The following MRTFA variants were observed in gnomAD, a reference collection of about 807,000 sequenced individuals.
MRTFA encodes myocardin related transcription factor A.
A neutral mutation model predicts 83.5 loss-of-function variants in MRTFA; 20 were observed. The observed-to-expected ratio is 0.24, with a 90% CI of 0.17 to 0.35. The LOEUF is 0.35. Ranked by LOEUF, MRTFA falls within the 10% of genes least tolerant of loss-of-function variation. The pLI is 1.00. For missense variants in MRTFA, 1,200 were observed against 1,224.7 expected (o/e 0.98, Z 0.30); for synonymous variants, 659 against 541.2 (o/e 1.22, Z -3.02).
intron 1 of MRTFA, among the ~76,000 whole-genome samples, chr22:40,605,797 T>C (rs930006511): frequency 1.3e-5 from 2 of 152,216 alleles, no homozygotes; most frequent in African/African-American, 4.8e-5. Flanking sequence ...TTGGGATTGT[T>C]TGTTTTAATG....
intron 4 of MRTFA, among the ~76,000 whole-genome samples, chr22:40,438,589 C>T (rs1420221127): frequency 6.6e-6 from 1 of 152,190 alleles, no homozygotes; most frequent in Non-Finnish European, 1.5e-5. Context: ...CATAGTCCCC[C>T]TCATCTGCAG....
intron 1 of MRTFA, among the ~76,000 whole-genome samples, chr22:40,598,994 A>G (rs141597790): frequency 0.1 from 13,859 of 135,762 alleles, 826 homozygotes; most frequent in East Asian, 0.24. Flanking sequence ...GGGAAACTCC[A>G]TCTAAAAAAA....
intron 3 of MRTFA, among the ~76,000 whole-genome samples, chr22:40,484,886 C>T (rs1014107382): frequency 6.6e-6 from 1 of 151,870 alleles, no homozygotes; most frequent in Non-Finnish European, 1.5e-5. Flanking sequence ...TCCTGGCCAA[C>T]ATGGTGAAAC....
At chr22:40,573,618 G>A (rs566096809) in intron 2 of MRTFA, among the ~76,000 whole-genome samples, 5 of 151,970 alleles carry the variant, frequency 3.3e-5, no homozygotes, top group African/African-American at 7.3e-5. Context: ...TTTTAAGAAC[G>A]AGAGCCAGGC....
At chr22:40,491,710 C>T (rs1159737665) in intron 3 of MRTFA, among the ~76,000 whole-genome samples, 1 of 152,104 alleles carries the variant, frequency 6.6e-6, no homozygotes, top group Non-Finnish European at 1.5e-5. Flanking sequence ...ACAATCTAGG[C>T]TTGGCTATAT....
At chr22:40,619,618 G>A (rs371410132) in intron 1 of MRTFA, among the ~76,000 whole-genome samples, 89 of 152,096 alleles carry the variant, frequency 5.9e-4, no homozygotes, top group African/African-American at 2.0e-3. Flanking sequence ...GGCCGGGTGC[G>A]GTGGCTCACA....
intron 2 of MRTFA, among the ~76,000 whole-genome samples, chr22:40,556,837 C>A (rs2055532730): frequency 6.6e-6 from 1 of 152,186 alleles, no homozygotes. Context: ...CTTTTAACAG[C>A]AGCAGCCTTT....
chr22:40,629,900 T>A (rs1023571909), intron 1 of MRTFA, among the ~76,000 whole-genome samples: 1 of 151,606 alleles, frequency 6.6e-6, no homozygotes, highest in Non-Finnish European at 1.5e-5. Context: ...CAGTGAGCTA[T>A]GATCCCACCA....
Position 40,416,895 on chromosome 22 carries a change from G to A in MRTFA, c.2578+91C>T, listed in dbSNP as rs1010399009. 4 of 1,240,754 alleles carry A rather than the reference G, an allele frequency of 3.2e-6. No individual in the cohort carries two copies. Among genetic ancestry groups the A allele is most frequent in the Non-Finnish European group, 4.6e-6 (4 of 873,398 alleles). 76.9% of individuals were successfully genotyped at this position (1,240,754 alleles called of 1,614,324 possible). ...GCTTGCCCAAGACTGGTCACGCACG[G>A]AAGCATTCAATAAAAACAAACCAAC... On this transcript the variant is annotated intron_variant, in intron 14 of 14. Coordinates refer to ENST00000355630, the MANE Select transcript of MRTFA (RefSeq NM_020831.6). This position sits in a 1 kb window ranked among gnomAD's most constrained non-coding sequence, Gnocchi z 4.2.
intron 3 of MRTFA, among the ~76,000 whole-genome samples, chr22:40,471,056 GA>G (rs924514455): frequency 6.6e-6 from 1 of 151,144 alleles, no homozygotes; most frequent in Non-Finnish European, 1.5e-5. Context: ...AGACTGCCAA[GA>G]AAAAAACAGA....
At chr22:40,463,511 C>T (rs951797376) in intron 3 of MRTFA, 2 of 468,126 alleles carry the variant, frequency 4.3e-6, no homozygotes, top group East Asian at 3.4e-5. Context: ...TCTTGCAGGG[C>T]GATAACAATC....
intron 14 of MRTFA, 104 bp from the exon 15 acceptor site, chr22:40,412,011 ATAAAACGGATCAAAGACTTACT>A: frequency 4.0e-6 from 4 of 994,602 alleles, no homozygotes; most frequent in Non-Finnish European, 5.5e-6. Context: ...ATTTACAAAA[ATAAAACGGATCAAAGACTTACT>A]TAAATGTAAG....
At chr22:40,457,256 T>C (rs1454532997) in intron 4 of MRTFA, among the ~76,000 whole-genome samples, 3 of 151,772 alleles carry the variant, frequency 2.0e-5, no homozygotes, top group Non-Finnish European at 4.4e-5. Context: ...TCTGAGCTAC[T>C]TGGGAGGCTG....
intron 1 of MRTFA, among the ~76,000 whole-genome samples, chr22:40,618,876 T>A (rs1355623533): frequency 6.6e-6 from 1 of 151,038 alleles, no homozygotes. Context: ...GGTGGGAGAA[T>A]CTCGAACTCA....
chr22:40,635,999 G>A (rs922136568), intron 1 of MRTFA, among the ~76,000 whole-genome samples: 2 of 152,176 alleles, frequency 1.3e-5, no homozygotes, highest in African/African-American at 4.8e-5. Flanking sequence ...GATTTGCAGA[G>A]CCCTGTACAC....
At chr22:40,535,553 A>G (rs1394052865) in intron 3 of MRTFA, among the ~76,000 whole-genome samples, 1 of 151,956 alleles carries the variant, frequency 6.6e-6, no homozygotes, top group East Asian at 1.9e-4. Flanking sequence ...GGGTTTCACC[A>G]TGTTGCCCAG....
Position 40,466,024 on chromosome 22 carries a change from G to A in MRTFA, c.242-2738C>T, listed in dbSNP as rs775209292. Among the ~76,000 whole-genome samples, 28 of 152,202 alleles carry A rather than the reference G, an allele frequency of 1.8e-4. No homozygotes were observed. The Middle Eastern group carries it at 0.014, about 74-fold the overall frequency. Reference sequence around the variant, plus strand: ...TGGGCTCCTTACTTTGCCTCTCTAGGATCTTCTGAAAGCCTGCTCTACTGT... The same window carrying A: ...TGGGCTCCTTACTTTGCCTCTCTAGAATCTTCTGAAAGCCTGCTCTACTGT... On this transcript the variant is annotated intron_variant, in intron 3 of 14. Transcript: ENST00000355630.
intron 3 of MRTFA, among the ~76,000 whole-genome samples, chr22:40,511,663 T>C (rs531130247): frequency 1.3e-5 from 2 of 152,164 alleles, no homozygotes; most frequent in East Asian, 1.9e-4. Flanking sequence ...TCTTTGAATA[T>C]TGAAAGAATA....
chr22:40,417,130 C>G, intron 13 of MRTFA, 84 bp from the exon 14 acceptor site: 4 of 1,472,348 alleles, frequency 2.7e-6, no homozygotes, highest in African/African-American at 2.8e-5. Context: ...GCCCCTCCCT[C>G]TGCCCCAGAA....
Sources: allele counts gnomAD v4.1 joint callset (sites outside exome capture counted in the v4.1 genomes callset), GRCh38; gene constraint gnomAD v4.1.1; non-coding constraint Gnocchi (gnomAD v3.1); transcripts MANE v1.5; gene names NCBI Gene and HGNC (gene_info 2026-07-23, HGNC 2026-07-21).